POC1B: variants seen among roughly 807,000 people sequenced by gnomAD.
The protein encoded by POC1B is POC1 centriolar protein homolog B.
A neutral mutation model predicts 60.6 loss-of-function variants in POC1B; 44 were observed. That is an observed-to-expected ratio of 0.73 (90% CI 0.57 to 0.93). The LOEUF is 0.93. Among genes scored for constraint, POC1B ranks in the 40% least tolerant of loss-of-function variants. POC1B has a pLI of 0.00. For synonymous variants in POC1B, 180 were observed against 198.9 expected (o/e 0.90, Z 0.80); for missense variants, 555 against 572.3 (o/e 0.97, Z 0.31).
chr12:89,462,666 T>C (rs1882524223), intron 9 of POC1B, among the ~76,000 whole-genome samples: 1 of 152,228 alleles, frequency 6.6e-6, no homozygotes, highest in East Asian at 1.9e-4. Flanking sequence ...ATTTTGTTTA[T>C]ATTGAAGCAT....
intron 3 of POC1B, among the ~76,000 whole-genome samples, chr12:89,492,708 C>T (rs182008959): frequency 2.6e-5 from 4 of 152,294 alleles, no homozygotes; most frequent in African/African-American, 7.2e-5. Flanking sequence ...GGCTGGTCAG[C>T]GTGACATCCG....
chr12:89,513,177 T>A (rs1218898044), intron 2 of POC1B, among the ~76,000 whole-genome samples: 4 of 147,780 alleles, frequency 2.7e-5, no homozygotes, highest in African/African-American at 1.0e-4. Context: ...TCAGCTTTTA[T>A]AAATTTAGTA....
chr12:89,443,450 C>A (rs1881621594), intron 10 of POC1B, among the ~76,000 whole-genome samples: 1 of 152,106 alleles, frequency 6.6e-6, no homozygotes, highest in Non-Finnish European at 1.5e-5. Context: ...TTAAGAAACT[C>A]ACTCAAAACC....
At chr12:89,491,052 T>A (rs3892685) in intron 4 of POC1B, among the ~76,000 whole-genome samples, 42,956 of 151,748 alleles carry the variant, frequency 0.28, 6,552 homozygotes, top group Non-Finnish European at 0.35. Flanking sequence ...TACACTGGCA[T>A]CTCCTCTCAC....
At chr12:89,471,769 T>TTTC (rs777041182) in intron 5 of POC1B, 40 bp from the exon 6 acceptor site, 14 of 304,672 alleles carry the variant, frequency 4.6e-5, no homozygotes, top group African/African-American at 1.1e-4. Flanking sequence ...TTTCAATTTC[T>TTTC]TTTTTTTTTT....
intron 9 of POC1B, among the ~76,000 whole-genome samples, chr12:89,463,348 G>A (rs532638350): frequency 7.9e-5 from 12 of 152,170 alleles, no homozygotes; most frequent in Non-Finnish European, 1.3e-4. Flanking sequence ...AAGAGCTATC[G>A]CCATCGCTTA....
rs551470543 is a variant in POC1B, at chr12:89,509,468, G to A, written c.101-12126C>T. Among the ~76,000 whole-genome samples, 21 of 152,076 alleles carry A rather than the reference G, an allele frequency of 1.4e-4. 1 individual carries two copies. The East Asian group carries it at 3.9e-3, about 28-fold the overall frequency. ...TCCAAAAGCTCTGATTTCTTTTAATGGATAATGGTATTTAGAAACCAATAT... is the reference window on the plus strand; with the variant it reads ...TCCAAAAGCTCTGATTTCTTTTAATAGATAATGGTATTTAGAAACCAATAT... On this transcript the variant is annotated intron_variant, in intron 2 of 11. Coordinates refer to ENST00000313546, the MANE Select transcript of POC1B (RefSeq NM_172240.3).
intron 8 of POC1B, among the ~76,000 whole-genome samples, chr12:89,467,256 C>A (rs911056580): frequency 6.6e-6 from 1 of 151,912 alleles, no homozygotes. Context: ...GACTTTTGGT[C>A]ATTTCAGATA....
chr12:89,411,551 C>T, the POC1B span, among the ~76,000 whole-genome samples: 1 of 152,216 alleles, frequency 6.6e-6, no homozygotes. Flanking sequence ...TTCAGGATCA[C>T]ATATGATTCA....
chr12:89,470,539 T>C (rs1882849903), intron 6 of POC1B, 45 bp from the exon 7 acceptor site: 1 of 1,492,092 alleles, frequency 6.7e-7, no homozygotes, highest in Non-Finnish European at 9.1e-7. Context: ...GAACAATTCT[T>C]ACTTTTGAAG....
intron 2 of POC1B, among the ~76,000 whole-genome samples, chr12:89,512,717 A>C (rs1870246848): frequency 6.6e-6 from 1 of 152,228 alleles, no homozygotes. Flanking sequence ...CTGTAACTGC[A>C]TCACTGTACT....
intron 10 of POC1B, among the ~76,000 whole-genome samples, chr12:89,438,856 C>T (rs1427544544): frequency 6.6e-6 from 1 of 152,170 alleles, no homozygotes; most frequent in African/African-American, 2.4e-5. Flanking sequence ...GATATGTGTA[C>T]ACAACTGCAT....
chr12:89,474,188 A>G (rs1418835045), intron 4 of POC1B, among the ~76,000 whole-genome samples: 1 of 152,072 alleles, frequency 6.6e-6, no homozygotes, highest in Non-Finnish European at 1.5e-5. Context: ...CCTGGGTTAC[A>G]GAGTAAGACT....
chr12:89,500,536 T>C lies in POC1B; in HGVS notation c.101-3194A>G, dbSNP rs1471896811. The C allele has an allele frequency of 5.6e-6, 9 of 1,607,142 alleles. No individual in the cohort carries two copies. In the Admixed American group the frequency reaches 6.7e-5, roughly 12 times the overall value. On this transcript the variant is annotated intron_variant, in intron 2 of 11. Transcript: ENST00000313546. Reference sequence around the variant, plus strand: ...ACATAAATGATCATCACAGTGAAGCTGATGAAGAATTTTACTTATCTGTTG... The same window carrying C: ...ACATAAATGATCATCACAGTGAAGCCGATGAAGAATTTTACTTATCTGTTG...
chr12:89,506,603 T>C (rs1869907557), intron 2 of POC1B, among the ~76,000 whole-genome samples: 1 of 152,172 alleles, frequency 6.6e-6, no homozygotes, highest in African/African-American at 2.4e-5. Context: ...GTGTGTCAAA[T>C]GAGGTTTAGT....
At chr12:89,506,141 A>G (rs921950717) in intron 2 of POC1B, among the ~76,000 whole-genome samples, 1 of 152,208 alleles carries the variant, frequency 6.6e-6, no homozygotes, top group Non-Finnish European at 1.5e-5. Flanking sequence ...CCCCGCCTGG[A>G]GCCCAGGGAG....
At chr12:89,481,618 C>A (rs996619811) in intron 4 of POC1B, among the ~76,000 whole-genome samples, 1 of 152,056 alleles carries the variant, frequency 6.6e-6, no homozygotes, top group Non-Finnish European at 1.5e-5. Context: ...GCAGAATCCC[C>A]AAAAATTCTG....
At chr12:89,524,285 C>T (rs370745993) in intron 2 of POC1B, 2 of 1,613,874 alleles carry the variant, frequency 1.2e-6, no homozygotes, top group African/African-American at 1.3e-5. Context: ...TGCTTCAGTT[C>T]ATCCTCGTTG....
chr12:89,409,074 T>A, the POC1B span, among the ~76,000 whole-genome samples: 1 of 152,248 alleles, frequency 6.6e-6, no homozygotes, highest in Non-Finnish European at 1.5e-5. Flanking sequence ...GTAGGTTGCC[T>A]GTTCACTCTG....
Sources: allele counts gnomAD v4.1 joint callset (sites outside exome capture counted in the v4.1 genomes callset), GRCh38; gene constraint gnomAD v4.1.1; transcripts MANE v1.5; gene names NCBI Gene and HGNC (gene_info 2026-07-23, HGNC 2026-07-21).